KMT2D: variants seen among roughly 807,000 people sequenced by gnomAD.
The protein encoded by KMT2D is lysine methyltransferase 2D, also known as histone-lysine N-methyltransferase 2D.
Under a neutral mutation model 512.7 loss-of-function variants are expected in KMT2D, and 55 were observed. That is an observed-to-expected ratio of 0.11 (90% CI 0.09 to 0.13). The LOEUF (loss-of-function observed/expected upper bound fraction) is 0.13, where lower values mean the gene tolerates loss of function less well. Ranked by LOEUF, KMT2D falls within the 10% of genes least tolerant of loss-of-function variation. KMT2D has a pLI of 1.00. For missense variants in KMT2D, 6,061 were observed against 7,127.9 expected (o/e 0.85, Z 5.39); for synonymous variants, 2,995 against 2,904.0 (o/e 1.03, Z -1.01).
rs2120654712 is a variant in KMT2D at position 49,050,655 on chromosome 12, A to G, written c.2933T>C (p.Leu978Pro). Residue 978 changes from leucine (L) to proline (P), a missense_variant, in exon 12 of 55, where the codon CTG becomes CCG. Coordinates refer to ENST00000301067, the MANE Select transcript of KMT2D (RefSeq NM_003482.4). The part of the protein sequence containing the change: ...DPESPLAAPI[L>P]ETPISPPPEA... ...TGGTGGAGGGCTGATGGGTGTCTCC[A>G]GGATGGGGGCAGCCAACGGTGACTC... The G allele has an allele frequency of 6.2e-7, 1 of 1,613,614 alleles. No homozygotes were observed. The highest frequency in any genetic ancestry group is 1.1e-5 in the South Asian group (1 of 91,068).
intron 54 of KMT2D, 70 bp from the exon 55 acceptor site, chr12:49,021,942 T>A: frequency 6.4e-7 from 1 of 1,557,942 alleles, no homozygotes; most frequent in Non-Finnish European, 8.9e-7. Flanking sequence ...GAAGATATGA[T>A]CTGAGGTGCC....
Position 49,033,902 on chromosome 12 carries a change from TTGC to T in KMT2D, c.10800_10802del (p.Gln3612del), listed in dbSNP as rs765850235. 2.7e-5 allele frequency: 41 copies of T among 1,544,352 alleles called. No individual in the cohort carries two copies. Among genetic ancestry groups the T allele is most frequent in the Admixed American group, 2.4e-4 (12 of 50,106 alleles). The stretch of plus-strand genomic sequence containing the variant: ...GTTGTTGCTGCTGCTGCTGCTGTTG[TTGC>T]TGCTGCTTGTTCCGATATTCTGCCA... On this transcript the variant is annotated inframe_deletion, in exon 40 of 55. Transcript: ENST00000301067.
Position 49,019,031 on chromosome 12 carries a change from A to G in KMT2D, c.*2749T>C. The G allele has an allele frequency of 7.2e-7, 1 of 1,381,478 alleles. No homozygotes were observed. Among genetic ancestry groups the G allele is most frequent in the Non-Finnish European group, 9.3e-7 (1 of 1,069,656 alleles). 85.6% of individuals were successfully genotyped at this position (1,381,478 alleles called of 1,614,324 possible). A position where few individuals can be genotyped will look rare whatever the true frequency, so the allele number is the denominator to read the frequency against. Reference sequence around the variant, plus strand: ...GTTTAAAAACAAACTTGGAAGAAGCAAAATCCAAAACTTGCCCTTTGCCTC... The same window carrying G: ...GTTTAAAAACAAACTTGGAAGAAGCGAAATCCAAAACTTGCCCTTTGCCTC... On this transcript the variant is annotated 3_prime_UTR_variant, in exon 55 of 55. Coordinates refer to ENST00000301067, the MANE Select transcript of KMT2D (RefSeq NM_003482.4).
Position 49,044,059 on chromosome 12 carries a change from G to A in KMT2D, c.5189-61C>T, listed in dbSNP as rs566082432. The A allele has an allele frequency of 5.0e-6, 8 of 1,606,006 alleles. No homozygotes were observed. The highest frequency in any genetic ancestry group is 6.8e-6 in the Non-Finnish European group (8 of 1,175,732). ...GAGCATGCTGCTCCCAACTTGCAGGGTGACACTTTGTGCCTACTCTCTCCC... is the reference window on the plus strand; with the variant it reads ...GAGCATGCTGCTCCCAACTTGCAGGATGACACTTTGTGCCTACTCTCTCCC... On this transcript the variant is annotated intron_variant, in intron 22 of 54. Transcript: ENST00000301067. This position sits in a 1 kb window ranked among gnomAD's most constrained non-coding sequence, Gnocchi z 6.4.
In KMT2D at chr12:49,044,945, C is replaced by T. The variant is rs1290729871; in HGVS notation, c.4762G>A (p.Glu1588Lys). ...CCAGTTTCTGTCAGCCACACACCTTCGAAGCGAAAGTACTGGGGCTCTGCA... is the reference window on the plus strand; with the variant it reads ...CCAGTTTCTGTCAGCCACACACCTTTGAAGCGAAAGTACTGGGGCTCTGCA... ...KEPEPQYFRF[E>K]GVWLTETGMA... is the part of the protein sequence containing the mutation. The change falls in exon 20 of 55, where the codon GAA becomes AAA. Residue 1588 changes from glutamate (E) to lysine (K), a missense_variant. By Grantham distance (56) the Glu-to-Lys change is moderately conservative (BLOSUM62 1). Transcript: ENST00000301067. This position sits in a 1 kb window ranked among gnomAD's most constrained non-coding sequence, Gnocchi z 6.4. The T allele has an allele frequency of 8.1e-6, 13 of 1,613,874 alleles. No individual in the cohort carries two copies. The highest frequency in any genetic ancestry group is 9.3e-6 in the Non-Finnish European group (11 of 1,179,756).
Position 49,042,022 on chromosome 12 carries a change from C to G in KMT2D, c.6110-32G>C, listed in dbSNP as rs772997536. 3 of 1,611,946 alleles carry G rather than the reference C, an allele frequency of 1.9e-6. No individual in the cohort carries two copies. The South Asian group carries it at 3.3e-5, about 18-fold the overall frequency. ...GGCAGAGAGAGTGAGTCAGAGAAGA[C>G]TTGGCAGGCGACTCCTCCACCTGCC... On this transcript the variant is annotated intron_variant, in intron 29 of 54. Coordinates refer to ENST00000301067, the MANE Select transcript of KMT2D (RefSeq NM_003482.4). This position sits in a 1 kb window ranked among gnomAD's most constrained non-coding sequence, Gnocchi z 4.4.
Position 49,037,819 on chromosome 12 carries a change from T to A in KMT2D, c.9537A>T (p.Thr3179=), listed in dbSNP as rs1332663675. 6.3e-7 allele frequency: 1 copy of A among 1,597,708 alleles called. No individual in the cohort carries two copies. The highest frequency in any genetic ancestry group is 1.3e-5 in the African/African-American group (1 of 74,770). ...GTGPFSSSGH[T]AEKASFGATG... The stretch of plus-strand genomic sequence containing the variant: ...TGGCCCCAAAGGAGGCCTTCTCAGC[T>A]GTGTGCCCACTGCTAGAAAATGGCC... The change falls in exon 35 of 55, where the codon ACA becomes ACT. Residue 3179 remains threonine (T), a synonymous_variant. Coordinates refer to ENST00000301067, the MANE Select transcript of KMT2D (RefSeq NM_003482.4).
chr12:49,034,678 C>G lies in KMT2D; in HGVS notation c.10356-12G>C. The G allele has an allele frequency of 6.2e-7, 1 of 1,612,216 alleles. No homozygotes were observed. The highest frequency in any genetic ancestry group is 8.5e-7 in the Non-Finnish European group (1 of 1,179,106). On this transcript the variant is annotated splice_polypyrimidine_tract_variant and intron_variant, in intron 36 of 54. Transcript: ENST00000301067. ...GAGACACTTGCTGTCTGGAGTCCACCAAAGCACAGAAGATAAGTGTTGGCA... is the reference window on the plus strand; with the variant it reads ...GAGACACTTGCTGTCTGGAGTCCACGAAAGCACAGAAGATAAGTGTTGGCA...
chr12:49,039,248 C>A lies in KMT2D; in HGVS notation c.8340G>T (p.Thr2780=), dbSNP rs753565346. 1.2e-6 allele frequency: 2 copies of A among 1,613,754 alleles called. No individual in the cohort carries two copies. Among genetic ancestry groups the A allele is most frequent in the East Asian group, 4.5e-5 (2 of 44,874 alleles). Residue 2780 remains threonine (T), a synonymous_variant, in exon 34 of 55, where the codon ACG becomes ACT. Coordinates refer to ENST00000301067, the MANE Select transcript of KMT2D (RefSeq NM_003482.4). This position sits in a 1 kb window ranked among gnomAD's most constrained non-coding sequence, Gnocchi z 5.0. ...GGCTGTTCACATCCATAGAGGAAGGCGTGGCTGGTGGAGGTGGCCGGGAGA... is the reference window on the plus strand; with the variant it reads ...GGCTGTTCACATCCATAGAGGAAGGAGTGGCTGGTGGAGGTGGCCGGGAGA... ...DRLSRPPPPA[T]PSSMDVNSRQ...
chr12:49,043,199 G>A lies in KMT2D; in HGVS notation c.5534-13C>T, dbSNP rs370481937. 8.1e-6 allele frequency: 13 copies of A among 1,610,834 alleles called. No individual in the cohort carries two copies. In the African/African-American group the frequency reaches 1.5e-4, roughly 18 times the overall value. ...CCATCCTCAGGTCCTGTAAATGCCA[G>A]GAGAAACCCATGGGTCAAGGCCAGG... On this transcript the variant is annotated splice_polypyrimidine_tract_variant and intron_variant, in intron 25 of 54. Transcript: ENST00000301067.
At position 49,060,387 on chromosome 12, in the gene KMT2D, T is replaced by C. The variant is rs969346850; in HGVS notation, c.-812A>G. Among the ~76,000 whole-genome samples the C allele has an allele frequency of 1.3e-5, 2 of 151,200 alleles. No individual in the cohort carries two copies. Among genetic ancestry groups the C allele is most frequent in the East Asian group, 3.9e-4 (2 of 5,074 alleles). ...CGCTCGCCTCCCTTCCCCTCTGGCC[T>C]CGGGAGCTGCCCCGCCCCCGGCCTG... On this transcript the variant is annotated 5_prime_UTR_variant, in exon 1 of 55. Coordinates refer to ENST00000301067, the MANE Select transcript of KMT2D (RefSeq NM_003482.4).
rs2120412892 is a variant in KMT2D, at chr12:49,030,979, T to G, written c.13585A>C (p.Ser4529Arg). Reference protein sequence around the residue: ...TPKPKRVQKASDRLVSSRKKL... With the variant: ...TPKPKRVQKARDRLVSSRKKL... ...TTTCGGGAGCTCACCAACCTGTCGC[T>G]TGCCTTCTGTACCCGCTTGGGCTTC... Residue 4529 changes from serine to arginine, a missense_variant, in exon 41 of 55, where the codon AGC becomes CGC. Ser to Arg is a moderately radical substitution (Grantham distance 110). This residue lies in a region of KMT2D where 1,600 missense variants were observed against 1,754.9 expected (regional missense o/e 0.91). Coordinates refer to ENST00000301067, the MANE Select transcript of KMT2D (RefSeq NM_003482.4). 2 of 1,613,866 alleles carry G rather than the reference T, an allele frequency of 1.2e-6. No homozygotes were observed. Among genetic ancestry groups the G allele is most frequent in the Non-Finnish European group, 1.7e-6 (2 of 1,179,798 alleles).
In KMT2D at chr12:49,041,784, C is replaced by T. The variant is rs1943544329; in HGVS notation, c.6184-79G>A. 3.9e-6 allele frequency: 6 copies of T among 1,539,554 alleles called. No homozygotes were observed. In the South Asian group the frequency reaches 5.9e-5, roughly 15 times the overall value. Reference sequence around the variant, plus strand: ...CCCCATACTGTAGTGTTTTCACACTCCCTACCCAGAAGCAGATCCCTTCTG... The same window carrying T: ...CCCCATACTGTAGTGTTTTCACACTTCCTACCCAGAAGCAGATCCCTTCTG... On this transcript the variant is annotated intron_variant, in intron 30 of 54. Coordinates refer to ENST00000301067, the MANE Select transcript of KMT2D (RefSeq NM_003482.4). This position sits in a 1 kb window ranked among gnomAD's most constrained non-coding sequence, Gnocchi z 5.4.
rs2120361446 is a variant in KMT2D at position 49,026,661 on chromosome 12, C to T, written c.15305G>A (p.Ser5102Asn). ...CSLCQRTGATSSCNRMRCPNV... is the reference protein window; with the variant it reads ...CSLCQRTGATNSCNRMRCPNV... ...GGGGCAACGCATGCGATTGCAGCTGCTGGTGGCACCAGTTCGCTGGCACAG... is the reference window on the plus strand; with the variant it reads ...GGGGCAACGCATGCGATTGCAGCTGTTGGTGGCACCAGTTCGCTGGCACAG... The change falls in exon 49 of 55, where the codon AGC (serine) becomes AAC (asparagine). Residue 5102 changes from serine to asparagine, a missense_variant. Coordinates refer to ENST00000301067, the MANE Select transcript of KMT2D (RefSeq NM_003482.4). The surrounding 1 kb of genome is among the most constrained non-coding windows in gnomAD (Gnocchi z 9.6). The T allele has an allele frequency of 1.2e-6, 2 of 1,614,030 alleles. No homozygotes were observed. The highest frequency in any genetic ancestry group is 2.2e-5 in the South Asian group (2 of 91,086).
rs2120670372 is a variant in KMT2D, at chr12:49,051,457, G to A, written c.2226C>T (p.His742=). The A allele has an allele frequency of 6.2e-7, 1 of 1,613,452 alleles. No homozygotes were observed. Among genetic ancestry groups the A allele is most frequent in the Middle Eastern group, 1.7e-4 (1 of 6,056 alleles). The stretch of plus-strand genomic sequence containing the variant: ...GCGGCTCCTCAGGCCGGGGTGACAG[G>A]TGCGGCCCCTCGGACCGGGGGCAGA... ...PQLCPRSEGP[H]LSPRPEEPHL... is the part of the protein sequence containing the mutation. Residue 742 remains histidine, a synonymous_variant, in exon 11 of 55, where the codon CAC becomes CAT. Transcript: ENST00000301067.
chr12:49,026,471 G>C lies in KMT2D; in HGVS notation c.15495C>G (p.Ile5165Met), dbSNP rs371422928. Residue 5165 changes from isoleucine (I) to methionine (M), a missense_variant, in exon 49 of 55, where the codon ATC becomes ATG. By Grantham distance (10) the Ile-to-Met change is conservative. Coordinates refer to ENST00000301067, the MANE Select transcript of KMT2D (RefSeq NM_003482.4). This position sits in a 1 kb window ranked among gnomAD's most constrained non-coding sequence, Gnocchi z 9.6. ...VYIERDEVKQIASIIQRGERL... is the reference protein window; with the variant it reads ...VYIERDEVKQMASIIQRGERL... The stretch of plus-strand genomic sequence containing the variant: ...GTTCTCCCCGCTGAATGATGCTAGC[G>C]ATTTGCTTCACCTCGTCCCGCTCAA... 6.2e-7 allele frequency: 1 copy of C among 1,613,900 alleles called. No individual in the cohort carries two copies. The highest frequency in any genetic ancestry group is 1.7e-5 in the Admixed American group (1 of 60,018).
Position 49,032,578 on chromosome 12 carries a change from T to G in KMT2D, c.12127A>C (p.Thr4043Pro), listed in dbSNP as rs748772041. The G allele has an allele frequency of 2.5e-6, 4 of 1,613,676 alleles. No individual in the cohort carries two copies. The highest frequency in any genetic ancestry group is 3.4e-6 in the Non-Finnish European group (4 of 1,179,798). The change falls in exon 40 of 55, where the codon ACA becomes CCA. Residue 4043 changes from threonine (T) to proline (P), a missense_variant. By Grantham distance (38) the Thr-to-Pro change is conservative. Around this residue, in one of 16 missense-constraint regions of KMT2D, gnomAD observed 1,600 missense variants for 1,754.9 expected, o/e 0.91. Coordinates refer to ENST00000301067, the MANE Select transcript of KMT2D (RefSeq NM_003482.4). ...ATTGCTAACGGCCCTCCCTGATGTG[T>G]AGAGGGCCCCTCAGTGGCCTCTGAA... The part of the protein sequence containing the change: ...VSSEATEGPS[T>P]HQGGPLAIGT...
At position 49,034,431 on chromosome 12, in the gene KMT2D, T is replaced by C. The variant is rs1943115460; in HGVS notation, c.10486A>G (p.Thr3496Ala). The C allele has an allele frequency of 1.2e-6, 2 of 1,613,662 alleles. No individual in the cohort carries two copies. Among genetic ancestry groups the C allele is most frequent in the African/African-American group, 2.7e-5 (2 of 74,952 alleles). ...TCACTGATCACTCCCTGAGCAAAAG[T>C]GGGCGGGTTGGGACGAGGCTGGGAG... ...DPSQPRPNPP[T>A]FAQGVINEAD... Residue 3496 changes from threonine to alanine, a missense_variant, in exon 38 of 55, where the codon ACT (threonine) becomes GCT (alanine). Physicochemically the swap from Thr to Ala is moderately conservative, Grantham distance 58. Around this residue, in one of 16 missense-constraint regions of KMT2D, gnomAD observed 533 missense variants for 539.6 expected, o/e 0.99. Coordinates refer to ENST00000301067, the MANE Select transcript of KMT2D (RefSeq NM_003482.4).
In KMT2D at chr12:49,030,277, T is replaced by C. The variant is rs1299366253; in HGVS notation, c.13999+3A>G. 3 of 1,596,766 alleles carry C rather than the reference T, an allele frequency of 1.9e-6. No homozygotes were observed. The African/African-American group carries it at 4.0e-5, about 21-fold the overall frequency. ...CCAGGGGTGGCATCTGCTCTTGACTTACCCCTCAGTGCCCTTTCACTATCC... is the reference window on the plus strand; with the variant it reads ...CCAGGGGTGGCATCTGCTCTTGACTCACCCCTCAGTGCCCTTTCACTATCC... On this transcript the variant is annotated splice_donor_region_variant and intron_variant, in intron 43 of 54. Coordinates refer to ENST00000301067, the MANE Select transcript of KMT2D (RefSeq NM_003482.4).
Sources: gnomAD v4.1 joint callset for allele counts (sites outside exome capture counted in the v4.1 genomes callset) on GRCh38, gnomAD v4.1.1 for gene constraint, gnomAD v4.1.1 regional missense constraint, Gnocchi (gnomAD v3.1) non-coding constraint, MANE v1.5 for transcripts, NCBI Gene and HGNC (gene_info 2026-07-23, HGNC 2026-07-21) for gene names.